The following NEK10 variants were observed in gnomAD, a reference collection of about 807,000 sequenced individuals.
The protein encoded by NEK10 is serine/threonine-protein kinase Nek10.
NEK10 carries 122 observed loss-of-function variants against 159.8 expected under a neutral mutation model. The ratio of observed to expected loss-of-function variants is 0.76; its 90% CI spans 0.66 to 0.89. The LOEUF is 0.89. Among genes scored for constraint, NEK10 ranks in the 40% least tolerant of loss-of-function variants. The pLI, the probability that NEK10 is intolerant of heterozygous loss-of-function variation, is 0.00. For synonymous variants in NEK10, 466 were observed against 457.1 expected (o/e 1.02, Z -0.25); for missense variants, 1,342 against 1,323.1 (o/e 1.01, Z -0.22).
At chr3:27,137,199 C>T (rs548836010) in intron 31 of NEK10, among the ~76,000 whole-genome samples, 2 of 152,116 alleles carry the variant, frequency 1.3e-5, no homozygotes, top group African/African-American at 4.8e-5. Context: ...TTAAAAATCA[C>T]GATAGTTATA....
chr3:27,169,005 C>A (rs752750402), intron 29 of NEK10, among the ~76,000 whole-genome samples: 9 of 152,078 alleles, frequency 5.9e-5, no homozygotes, highest in Admixed American at 5.9e-4. Flanking sequence ...AAGATATAGA[C>A]CATATGGGGT....
At chr3:27,122,533 T>C (rs145843497) in intron 32 of NEK10, among the ~76,000 whole-genome samples, 1 of 152,332 alleles carries the variant, frequency 6.6e-6, no homozygotes, top group African/African-American at 2.4e-5. Flanking sequence ...CTGAGCATTC[T>C]GTATATCTCA....
chr3:27,345,132 C>G (rs2047463257), intron 4 of NEK10, among the ~76,000 whole-genome samples: 1 of 152,138 alleles, frequency 6.6e-6, no homozygotes, highest in African/African-American at 2.4e-5. Context: ...AGATCTAGAA[C>G]AAATAAGCTG....
intron 23 of NEK10, among the ~76,000 whole-genome samples, chr3:27,217,893 A>G (rs1951693296): frequency 6.6e-6 from 1 of 152,202 alleles, no homozygotes; most frequent in South Asian, 2.1e-4. Context: ...TTCCCTAGAT[A>G]TACATATCTA....
intron 23 of NEK10, among the ~76,000 whole-genome samples, chr3:27,203,765 A>G (rs552398400): frequency 1.2e-4 from 19 of 152,196 alleles, no homozygotes; most frequent in Admixed American, 3.3e-4. Flanking sequence ...CTTAAAAATA[A>G]TCAACAAATT....
rs72089289 is a variant in NEK10, at chr3:27,271,149, T to TTCTATCTA, written c.2014+13445_2014+13452dup. Among the ~76,000 whole-genome samples the TTCTATCTA allele has an allele frequency of 2.6e-3, 384 of 148,168 alleles. 3 individuals carry two copies. The highest frequency in any genetic ancestry group is 0.017 in the Middle Eastern group (5 of 286). ...CTATCTTTCCATCCATCTATCTATC[T>TTCTATCTA]TCTATCTATCTATCTATCTATCTAT... On this transcript the variant is annotated intron_variant, in intron 22 of 35. Transcript: ENST00000691995.
At chr3:27,333,349 C>T (rs1328957184) in intron 5 of NEK10, among the ~76,000 whole-genome samples, 1 of 151,916 alleles carries the variant, frequency 6.6e-6, no homozygotes, top group Non-Finnish European at 1.5e-5. Context: ...AGATCAAGAC[C>T]AGCCTGGCCA....
At chr3:27,200,824 T>C (rs1211730410) in intron 25 of NEK10, among the ~76,000 whole-genome samples, 1 of 151,984 alleles carries the variant, frequency 6.6e-6, no homozygotes. Flanking sequence ...CACATATATC[T>C]GAGGAAAGAG....
At chr3:27,331,304 T>G (rs544954907) in intron 5 of NEK10, among the ~76,000 whole-genome samples, 1 of 148,230 alleles carries the variant, frequency 6.7e-6, no homozygotes, top group Non-Finnish European at 1.5e-5. Context: ...TGAAACTTTA[T>G]CTGTGCCCAG....
chr3:27,276,469 G>A (rs1187765191), intron 22 of NEK10, among the ~76,000 whole-genome samples: 2 of 152,168 alleles, frequency 1.3e-5, no homozygotes, highest in African/African-American at 2.4e-5. Flanking sequence ...TCAGGAAAGT[G>A]CAATCTGTCC....
chr3:27,337,312 A>AGAAAC (rs1192062253), intron 5 of NEK10, among the ~76,000 whole-genome samples: 1 of 152,190 alleles, frequency 6.6e-6, no homozygotes, highest in Non-Finnish European at 1.5e-5. Flanking sequence ...CACTGATGAA[A>AGAAAC]GAAACTAAGG....
chr3:27,113,801 G>C (rs1420550953), intron 35 of NEK10, among the ~76,000 whole-genome samples: 1 of 151,948 alleles, frequency 6.6e-6, no homozygotes, highest in African/African-American at 2.4e-5. Flanking sequence ...TTTAATAAAG[G>C]GAAAATAAAA....
chr3:27,174,950 A>G (rs1947362744), intron 26 of NEK10, 117 bp from the exon 27 acceptor site: 2 of 818,628 alleles, frequency 2.4e-6, no homozygotes, highest in Admixed American at 3.0e-5. Flanking sequence ...TGTTTGATGC[A>G]GAAGACGCAT....
intron 31 of NEK10, among the ~76,000 whole-genome samples, chr3:27,132,619 G>T (rs1304984858): frequency 6.6e-6 from 1 of 151,838 alleles, no homozygotes; most frequent in Admixed American, 6.6e-5. Context: ...AGAAAACATG[G>T]TAACAAAAAA....
At chr3:27,135,031 G>A (rs1376285055) in intron 31 of NEK10, among the ~76,000 whole-genome samples, 1 of 152,150 alleles carries the variant, frequency 6.6e-6, no homozygotes, top group Admixed American at 6.5e-5. Flanking sequence ...TAACATGCAA[G>A]AATACTTTCT....
intron 26 of NEK10, among the ~76,000 whole-genome samples, chr3:27,181,788 G>A (rs1374493564): frequency 6.6e-6 from 1 of 152,108 alleles, no homozygotes; most frequent in Non-Finnish European, 1.5e-5. Context: ...ACTGTATCAG[G>A]AGAATACTAG....
At chr3:27,340,435 G>A (rs1288840280) in intron 5 of NEK10, among the ~76,000 whole-genome samples, 2 of 151,978 alleles carry the variant, frequency 1.3e-5, no homozygotes, top group South Asian at 2.1e-4. Context: ...GACAACGGGT[G>A]GATAGGTGCA....
chr3:27,300,688 A>T (rs2043744001), intron 13 of NEK10, among the ~76,000 whole-genome samples: 1 of 152,090 alleles, frequency 6.6e-6, no homozygotes, highest in African/African-American at 2.4e-5. Context: ...TGTTCTTCTG[A>T]ATTCTATCAC....
At chr3:27,112,082 T>C (rs1939651452) in intron 35 of NEK10, among the ~76,000 whole-genome samples, 1 of 152,200 alleles carries the variant, frequency 6.6e-6, no homozygotes, top group African/African-American at 2.4e-5. Context: ...CAGAGGTCCT[T>C]GCTGCTCTTT....
Sources: gnomAD v4.1 joint callset for allele counts (sites outside exome capture counted in the v4.1 genomes callset) on GRCh38, gnomAD v4.1.1 for gene constraint, MANE v1.5 for transcripts, NCBI Gene and HGNC (gene_info 2026-07-23, HGNC 2026-07-21) for gene names.